IMMP2L: variants seen among roughly 807,000 people sequenced by gnomAD.
IMMP2L encodes the protein mitochondrial inner membrane protease subunit 2.
A neutral mutation model predicts 19.3 loss-of-function variants in IMMP2L; 18 were observed. The ratio of observed to expected loss-of-function variants is 0.93; its 90% CI spans 0.64 to 1.38. The LOEUF is 1.38. IMMP2L is among the 40% of genes most tolerant of loss of function. The pLI, the probability that IMMP2L is intolerant of heterozygous loss-of-function variation, is 0.00. For synonymous variants in IMMP2L, 76 were observed against 73.0 expected, an observed-to-expected ratio of 1.04 and a Z score of -0.21; for missense variants, 233 against 218.2, an observed-to-expected ratio of 1.07 and a Z score of -0.43.
At chr7:110,809,471 C>A (rs758206755) in intron 5 of IMMP2L, among the ~76,000 whole-genome samples, 3 of 151,722 alleles carry the variant, frequency 2.0e-5, no homozygotes, top group African/African-American at 7.3e-5. Context: ...CTTGCTTTAA[C>A]TTTTTTTGGT....
chr7:110,748,225 C>T (rs1313556851), intron 5 of IMMP2L, among the ~76,000 whole-genome samples: 3 of 152,076 alleles, frequency 2.0e-5, no homozygotes, highest in Non-Finnish European at 4.4e-5. Flanking sequence ...GAACTATAAA[C>T]CACTGCTCAA....
intron 3 of IMMP2L, among the ~76,000 whole-genome samples, chr7:111,047,388 A>G (rs1792509309): frequency 6.6e-6 from 1 of 151,964 alleles, no homozygotes; most frequent in Non-Finnish European, 1.5e-5. Flanking sequence ...GGGTTTCTCC[A>G]TGTTGGTCAG....
At chr7:111,360,109 A>T (rs1394480856) in intron 3 of IMMP2L, among the ~76,000 whole-genome samples, 6 of 101,120 alleles carry the variant, frequency 5.9e-5, no homozygotes, top group Admixed American at 5.2e-4. Flanking sequence ...TTCTGATTAC[A>T]ATTTCGCCAT....
chr7:110,697,746 A>G (rs1259778423), intron 5 of IMMP2L, among the ~76,000 whole-genome samples: 1 of 152,182 alleles, frequency 6.6e-6, no homozygotes, highest in East Asian at 1.9e-4. Flanking sequence ...GTTAGCTGTG[A>G]TCATGCCACT....
intron 5 of IMMP2L, among the ~76,000 whole-genome samples, chr7:110,864,792 C>G (rs1017924373): frequency 1.3e-5 from 2 of 152,010 alleles, no homozygotes; most frequent in Non-Finnish European, 2.9e-5. Flanking sequence ...TCTACTTATG[C>G]TATATTCCTA....
At chr7:111,162,997 C>T (rs1177205332) in intron 3 of IMMP2L, among the ~76,000 whole-genome samples, 1 of 152,058 alleles carries the variant, frequency 6.6e-6, no homozygotes, top group Admixed American at 6.6e-5. Flanking sequence ...AGCCCCAAAC[C>T]AGATAGGCCC....
At chr7:110,959,772 T>C (rs1690830451) in intron 4 of IMMP2L, among the ~76,000 whole-genome samples, 1 of 151,920 alleles carries the variant, frequency 6.6e-6, no homozygotes, top group Admixed American at 6.6e-5. Flanking sequence ...ATTCGCAGAC[T>C]TTACACATGG....
intron 3 of IMMP2L, among the ~76,000 whole-genome samples, chr7:111,431,930 T>TAA (rs67058510): frequency 1.3e-5 from 2 of 149,944 alleles, no homozygotes; most frequent in African/African-American, 4.9e-5. Context: ...TCCTCAGATT[T>TAA]AAAAAAAAAA....
intron 3 of IMMP2L, among the ~76,000 whole-genome samples, chr7:111,009,868 A>G (rs1403863570): frequency 2.6e-5 from 4 of 152,176 alleles, no homozygotes; most frequent in Admixed American, 6.6e-5. Context: ...GAGAAATTCA[A>G]CAAAGGCTCT....
chr7:111,300,727 C>T (rs10236666), intron 3 of IMMP2L, among the ~76,000 whole-genome samples: 3,946 of 152,138 alleles, frequency 0.026, 176 homozygotes, highest in African/African-American at 0.09. Context: ...CATTAGTTTT[C>T]TTTGATGCAG....
intron 5 of IMMP2L, among the ~76,000 whole-genome samples, chr7:110,797,664 T>A (rs1006413899): frequency 6.6e-6 from 1 of 152,020 alleles, no homozygotes; most frequent in Admixed American, 6.6e-5. Context: ...AATACCTATA[T>A]TATTCACTGG....
intron 3 of IMMP2L, among the ~76,000 whole-genome samples, chr7:111,316,850 T>C (rs909278936): frequency 1.2e-4 from 16 of 130,928 alleles, no homozygotes; most frequent in African/African-American, 2.7e-4. Flanking sequence ...TTTTTCTTTT[T>C]TTTTTTTTTT....
At chr7:111,308,059 T>C (rs76155904) in intron 3 of IMMP2L, among the ~76,000 whole-genome samples, 1 of 152,092 alleles carries the variant, frequency 6.6e-6, no homozygotes, top group South Asian at 2.1e-4. Context: ...TCTCTTAACT[T>C]ACAACTATGC....
intron 3 of IMMP2L, among the ~76,000 whole-genome samples, chr7:111,067,271 C>A (rs1794592757): frequency 6.6e-6 from 1 of 152,170 alleles, no homozygotes; most frequent in East Asian, 1.9e-4. Context: ...AAGGAGAGAT[C>A]AGTGTTGGGA....
chr7:111,142,463 T>A (rs1803039289), intron 3 of IMMP2L, among the ~76,000 whole-genome samples: 1 of 152,150 alleles, frequency 6.6e-6, no homozygotes, highest in South Asian at 2.1e-4. Context: ...ATAACTTTCA[T>A]AAATAGTATC....
intron 3 of IMMP2L, among the ~76,000 whole-genome samples, chr7:111,171,255 TAC>T (rs1806417522): frequency 6.6e-6 from 1 of 151,710 alleles, no homozygotes; most frequent in African/African-American, 2.4e-5. Context: ...CCATGTGGCA[TAC>T]ATTTACATTT....
At chr7:111,451,895 G>C (rs1839235090) in intron 3 of IMMP2L, among the ~76,000 whole-genome samples, 1 of 151,888 alleles carries the variant, frequency 6.6e-6, no homozygotes, top group Admixed American at 6.6e-5. Flanking sequence ...TTAAAAGAAA[G>C]GATTAAGTAG....
In IMMP2L at chr7:111,099,041, C is replaced by T. The variant is rs80333872; in HGVS notation, c.240-135476G>A. 1.7e-3 allele frequency among the ~76,000 whole-genome samples: 261 copies of T among 151,694 alleles called. 2 individuals carry two copies. Among genetic ancestry groups the T allele is most frequent in the African/African-American group, 6.0e-3 (249 of 41,448 alleles). On this transcript the variant is annotated intron_variant, in intron 3 of 5. Coordinates refer to ENST00000405709, the MANE Select transcript of IMMP2L (RefSeq NM_032549.4). ...TTATTTATATCTGAGTTTTGCTATC[C>T]ACTAGATTAACTAAAATGATTTTTT...
intron 3 of IMMP2L, among the ~76,000 whole-genome samples, chr7:111,076,919 A>G (rs1453236149): frequency 2.0e-5 from 3 of 152,074 alleles, no homozygotes; most frequent in Non-Finnish European, 4.4e-5. Flanking sequence ...TCCTTCTACT[A>G]TATTTTATTT....
Sources: gnomAD v4.1 joint callset for allele counts (sites outside exome capture counted in the v4.1 genomes callset) on GRCh38, gnomAD v4.1.1 for gene constraint, MANE v1.5 for transcripts, NCBI Gene and HGNC (gene_info 2026-07-23, HGNC 2026-07-21) for gene names.